AMPH: variants seen among roughly 807,000 people sequenced by gnomAD.
AMPH encodes the protein amphiphysin.
AMPH carries 49 observed loss-of-function variants against 99.1 expected under a neutral mutation model. That is an observed-to-expected ratio of 0.49 (90% confidence interval 0.39 to 0.63). The LOEUF (loss-of-function observed/expected upper bound fraction) is 0.63, where lower values mean the gene tolerates loss of function less well. Among genes scored for constraint, AMPH ranks in the 20% least tolerant of loss-of-function variants. The probability of loss-of-function intolerance (pLI) is 0.00; values close to 1 mark genes in which losing one functional copy is unlikely to be tolerated. For missense variants in AMPH, 759 were observed against 863.4 expected (o/e 0.88, Z 1.52); for synonymous variants, 314 against 317.3 (o/e 0.99, Z 0.11).
At chr7:38,404,633 T>A (rs1192637147) in intron 17 of AMPH, among the ~76,000 whole-genome samples, 3 of 152,096 alleles carry the variant, frequency 2.0e-5, no homozygotes, top group African/African-American at 7.2e-5. Context: ...GAGTAAAAAT[T>A]TAAATGTCCC....
intron 1 of AMPH, among the ~76,000 whole-genome samples, chr7:38,611,306 A>AG (rs1381251556): frequency 6.6e-6 from 1 of 152,278 alleles, no homozygotes; most frequent in East Asian, 1.9e-4. Context: ...AGGAGATGCA[A>AG]GGGGGGAAAT....
At chr7:38,428,659 C>G (rs1380742780) in intron 14 of AMPH, 2 of 456,662 alleles carry the variant, frequency 4.4e-6, no homozygotes, top group South Asian at 3.1e-5. Flanking sequence ...ATATTAGATA[C>G]AGAGTAGGTC....
chr7:38,392,427 C>A (rs564184083), intron 18 of AMPH, among the ~76,000 whole-genome samples: 4 of 125,148 alleles, frequency 3.2e-5, no homozygotes, highest in African/African-American at 6.2e-5. Flanking sequence ...TGCTCTGTCG[C>A]CCAGGCTGGA....
Position 38,475,348 on chromosome 7 carries a change from T to C in AMPH, c.573A>G (p.Leu191=). ...ATTTTTACCTTGACCATAATGATGG[T>C]AACTCTTCTTGTAAGTCAACGTTAA... ...EEFNVDLQEE[L]PSLWSRRVGF... is the part of the protein sequence containing the mutation. The change falls in exon 7 of 21, where the codon TTA becomes TTG. Residue 191 remains leucine (L), a synonymous_variant. Transcript: ENST00000356264. The C allele has an allele frequency of 6.2e-7, 1 of 1,612,388 alleles. No individual in the cohort carries two copies. Among genetic ancestry groups the C allele is most frequent in the Non-Finnish European group, 8.5e-7 (1 of 1,178,800 alleles).
intron 5 of AMPH, among the ~76,000 whole-genome samples, chr7:38,490,208 T>G (rs1788669142): frequency 6.6e-6 from 1 of 152,148 alleles, no homozygotes; most frequent in South Asian, 2.1e-4. Flanking sequence ...AAAACCCAAT[T>G]CACACCTGTT....
chr7:38,568,583 G>T lies in AMPH; in HGVS notation c.70-33572C>A, dbSNP rs373497904. ...CACACATGGCTGCTGAACTGGTGAAGAGGCATTATTACGGTTACTATGACT... is the reference window on the plus strand; with the variant it reads ...CACACATGGCTGCTGAACTGGTGAATAGGCATTATTACGGTTACTATGACT... On this transcript the variant is annotated intron_variant, in intron 1 of 20. Coordinates refer to ENST00000356264, the MANE Select transcript of AMPH (RefSeq NM_001635.4). Among the ~76,000 whole-genome samples the T allele has an allele frequency of 1.6e-4, 24 of 152,346 alleles. 1 individual carries two copies. In the Middle Eastern group the frequency reaches 0.024, roughly 151 times the overall value.
chr7:38,605,638 C>T lies in AMPH; in HGVS notation c.69+25645G>A, dbSNP rs182540803. 4.6e-3 allele frequency among the ~76,000 whole-genome samples: 701 copies of T among 152,256 alleles called. 4 individuals carry two copies. The highest frequency in any genetic ancestry group is 7.7e-3 in the Non-Finnish European group (525 of 68,018). On this transcript the variant is annotated intron_variant, in intron 1 of 20. Transcript: ENST00000356264. ...GTCCCCAAGCAGGAGTGCAATGGCA[C>T]GATCTCGGCTCACTGCAGTCTCCGC...
At chr7:38,623,953 A>C (rs937271270) in intron 1 of AMPH, among the ~76,000 whole-genome samples, 6 of 152,206 alleles carry the variant, frequency 3.9e-5, no homozygotes, top group African/African-American at 1.4e-4. Context: ...ACAATTCCAC[A>C]TGATTCAGCC....
chr7:38,500,408 G>A (rs891936593), intron 3 of AMPH, among the ~76,000 whole-genome samples: 12 of 152,132 alleles, frequency 7.9e-5, no homozygotes, highest in Admixed American at 6.6e-4. Context: ...CCGTCATATG[G>A]AGCTGTGGCC....
At chr7:38,572,445 C>T (rs1387624683) in intron 1 of AMPH, among the ~76,000 whole-genome samples, 1 of 152,170 alleles carries the variant, frequency 6.6e-6, no homozygotes, top group Non-Finnish European at 1.5e-5. Flanking sequence ...AATTGCCTAA[C>T]GATTTCTCCT....
chr7:38,564,058 T>A (rs2129049753), intron 1 of AMPH, among the ~76,000 whole-genome samples: 1 of 152,358 alleles, frequency 6.6e-6, no homozygotes, highest in Non-Finnish European at 1.5e-5. Flanking sequence ...GAAATAATTC[T>A]TTAGGGTTAT....
intron 1 of AMPH, among the ~76,000 whole-genome samples, chr7:38,563,707 G>A (rs1436623778): frequency 6.6e-6 from 1 of 152,178 alleles, no homozygotes; most frequent in African/African-American, 2.4e-5. Flanking sequence ...TATCCCAAAA[G>A]TGTTAGGAAT....
intron 2 of AMPH, among the ~76,000 whole-genome samples, chr7:38,529,999 C>T (rs3807399): frequency 0.61 from 92,986 of 151,954 alleles, 29,019 homozygotes; most frequent in African/African-American, 0.74. Flanking sequence ...GTACATATAC[C>T]AGGTTCTTAA....
At chr7:38,466,721 A>T (rs1000721421) in intron 7 of AMPH, among the ~76,000 whole-genome samples, 9 of 152,118 alleles carry the variant, frequency 5.9e-5, no homozygotes, top group Non-Finnish European at 4.4e-5. Context: ...ACTTTTATAA[A>T]CTATAAATGG....
intron 18 of AMPH, chr7:38,392,829 G>A (rs543466447): frequency 3.3e-5 from 5 of 152,292 alleles, no homozygotes; most frequent in African/African-American, 9.7e-5. Context: ...TCCAGCCGGG[G>A]TTTGGAGATC....
intron 7 of AMPH, 70 bp downstream of exon 7, chr7:38,475,261 A>C: frequency 1.0e-6 from 1 of 983,890 alleles, no homozygotes. Context: ...AATAAAGACA[A>C]GATAAGGGAT....
chr7:38,597,817 G>T (rs1793112045), intron 1 of AMPH, among the ~76,000 whole-genome samples: 1 of 152,116 alleles, frequency 6.6e-6, no homozygotes, highest in African/African-American at 2.4e-5. Flanking sequence ...ATGGTAACTT[G>T]TATTCTTGTT....
At chr7:38,578,170 T>C (rs567433465) in intron 1 of AMPH, among the ~76,000 whole-genome samples, 1 of 152,186 alleles carries the variant, frequency 6.6e-6, no homozygotes, top group East Asian at 1.9e-4. Flanking sequence ...AAGAAAGACA[T>C]CAAGAATAAT....
At chr7:38,395,676 G>A (rs1784647726) in intron 17 of AMPH, among the ~76,000 whole-genome samples, 1 of 152,134 alleles carries the variant, frequency 6.6e-6, no homozygotes, top group Non-Finnish European at 1.5e-5. Flanking sequence ...GATGGGATTA[G>A]GATTAACTAT....
Sources: allele counts gnomAD v4.1 joint callset (sites outside exome capture counted in the v4.1 genomes callset), GRCh38; gene constraint gnomAD v4.1.1; transcripts MANE v1.5; gene names NCBI Gene and HGNC (gene_info 2026-07-23, HGNC 2026-07-21).